GRIA1: variants seen among roughly 807,000 people sequenced by gnomAD.
GRIA1 encodes the protein glutamate ionotropic receptor AMPA type subunit 1.
GRIA1 carries 31 observed loss-of-function variants against 99.2 expected under a neutral mutation model. That is an observed-to-expected ratio of 0.31 (90% CI 0.23 to 0.42). GRIA1 has a LOEUF of 0.42. Ranked by LOEUF, GRIA1 falls within the 10% of genes least tolerant of loss-of-function variation. The pLI, the probability that GRIA1 is intolerant of heterozygous loss-of-function variation, is 1.00. For synonymous variants in GRIA1, 438 were observed against 432.4 expected (o/e 1.01, Z -0.16); for missense variants, 782 against 1,157.5 (o/e 0.68, Z 4.71).
chr5:153,569,980 A>G (rs1300008237), intron 2 of GRIA1, among the ~76,000 whole-genome samples: 1 of 152,230 alleles, frequency 6.6e-6, no homozygotes, highest in Non-Finnish European at 1.5e-5. Flanking sequence ...CTATTCGGTT[A>G]ATAGGCTCAG....
chr5:153,679,607 C>T (rs1756832669), intron 7 of GRIA1, among the ~76,000 whole-genome samples: 1 of 152,226 alleles, frequency 6.6e-6, no homozygotes, highest in South Asian at 2.1e-4. Flanking sequence ...TGGAGCCTTC[C>T]ATCCATAGTC....
chr5:153,722,523 G>T (rs1337590380), intron 11 of GRIA1, among the ~76,000 whole-genome samples: 1 of 152,042 alleles, frequency 6.6e-6, no homozygotes, highest in African/African-American at 2.4e-5. Flanking sequence ...TTGTTTGTTG[G>T]TACATAGATA....
At chr5:153,665,608 C>T (rs564882753) in intron 5 of GRIA1, among the ~76,000 whole-genome samples, 2 of 152,268 alleles carry the variant, frequency 1.3e-5, no homozygotes, top group East Asian at 3.9e-4. Context: ...CAGGAGTATT[C>T]CACAAATTCA....
At chr5:153,527,948 G>A (rs1757752115) in intron 2 of GRIA1, among the ~76,000 whole-genome samples, 1 of 152,146 alleles carries the variant, frequency 6.6e-6, no homozygotes, top group Non-Finnish European at 1.5e-5. Context: ...CAGTAGTAAA[G>A]CTTAGTGCAC....
intron 2 of GRIA1, among the ~76,000 whole-genome samples, chr5:153,537,638 C>T (rs2045489357): frequency 6.6e-6 from 1 of 152,148 alleles, no homozygotes; most frequent in East Asian, 1.9e-4. Context: ...TAAGGGACTT[C>T]ATAATAGTGT....
intron 11 of GRIA1, among the ~76,000 whole-genome samples, chr5:153,736,307 A>G (rs184810162): frequency 2.7e-5 from 4 of 149,396 alleles, no homozygotes. Context: ...CTCAAATTCC[A>G]ATGCCTTTTT....
chr5:153,612,353 T>C (rs1766067581), intron 2 of GRIA1, among the ~76,000 whole-genome samples: 1 of 152,230 alleles, frequency 6.6e-6, no homozygotes, highest in South Asian at 2.1e-4. Flanking sequence ...GTTGATACTA[T>C]TAACCAACCT....
intron 2 of GRIA1, 176 bp downstream of exon 2, chr5:153,494,241 T>C (rs1427031161): frequency 1.6e-6 from 1 of 620,404 alleles, no homozygotes; most frequent in African/African-American, 1.8e-5. Flanking sequence ...GTTGGCATTT[T>C]AGCCCCTGCA....
At chr5:153,489,833 T>C, upstream of GRIA1, 1 of 456,644 alleles carries the variant, frequency 2.2e-6, no homozygotes. Flanking sequence ...ATGTAATTGC[T>C]CTGTGTAAGT....
At chr5:153,527,562 C>T (rs1259206572) in intron 2 of GRIA1, among the ~76,000 whole-genome samples, 2 of 152,008 alleles carry the variant, frequency 1.3e-5, no homozygotes, top group African/African-American at 2.4e-5. Context: ...GTGGATTAGG[C>T]GGGGAAGATC....
chr5:153,618,026 C>G (rs1403443948), intron 2 of GRIA1, among the ~76,000 whole-genome samples: 1 of 152,188 alleles, frequency 6.6e-6, no homozygotes, highest in Non-Finnish European at 1.5e-5. Context: ...GTAGTAACAA[C>G]TGGGAAATAG....
intron 2 of GRIA1, among the ~76,000 whole-genome samples, chr5:153,504,920 A>G (rs1755347801): frequency 1.3e-5 from 2 of 152,176 alleles, no homozygotes; most frequent in Non-Finnish European, 2.9e-5. Flanking sequence ...TAACAGTCCC[A>G]GTTGGAATCT....
At chr5:153,794,463 C>T (rs995038948) in intron 13 of GRIA1, among the ~76,000 whole-genome samples, 158 bp from the exon 14 acceptor site, 28 of 152,252 alleles carry the variant, frequency 1.8e-4, no homozygotes, top group African/African-American at 6.0e-4. Flanking sequence ...GCTCCATCCC[C>T]CAATTCCTGC....
chr5:153,497,197 A>G (rs1377287192), intron 2 of GRIA1, among the ~76,000 whole-genome samples: 4 of 152,126 alleles, frequency 2.6e-5, no homozygotes, highest in Admixed American at 1.3e-4. Flanking sequence ...CAGCAACCCA[A>G]TGCCTTGGGA....
intron 2 of GRIA1, among the ~76,000 whole-genome samples, chr5:153,626,815 C>T (rs1422883): frequency 0.21 from 32,328 of 151,900 alleles, 4,076 homozygotes; most frequent in Non-Finnish European, 0.28. Context: ...AGGGATGCAG[C>T]GTGGTTAAAT....
intron 7 of GRIA1, among the ~76,000 whole-genome samples, chr5:153,685,672 T>C (rs1470907639): frequency 1.3e-5 from 2 of 152,226 alleles, no homozygotes; most frequent in Non-Finnish European, 2.9e-5. Flanking sequence ...AAGCTGGGGT[T>C]AAATCCAAGT....
intron 11 of GRIA1, among the ~76,000 whole-genome samples, chr5:153,760,532 C>G (rs1255130724): frequency 2.6e-5 from 4 of 151,904 alleles, no homozygotes; most frequent in African/African-American, 9.7e-5. Flanking sequence ...TAAGAGGACA[C>G]AAGCAAATGG....
chr5:153,600,051 G>A (rs1461333656), intron 2 of GRIA1, among the ~76,000 whole-genome samples: 3 of 152,166 alleles, frequency 2.0e-5, no homozygotes, highest in East Asian at 3.9e-4. Flanking sequence ...AGCGCCGGTC[G>A]TCAGAGAGTC....
At chr5:153,579,696 C>T (rs1762875742) in intron 2 of GRIA1, among the ~76,000 whole-genome samples, 1 of 152,148 alleles carries the variant, frequency 6.6e-6, no homozygotes, top group African/African-American at 2.4e-5. Context: ...AGCTCACACT[C>T]ACATGCAGAG....
Sources: gnomAD v4.1 joint callset for allele counts (sites outside exome capture counted in the v4.1 genomes callset) on GRCh38, gnomAD v4.1.1 for gene constraint, MANE v1.5 for transcripts, NCBI Gene and HGNC (gene_info 2026-07-23, HGNC 2026-07-21) for gene names.